Variants in MYRIP observed in about 807,000 individuals in gnomAD.
MYRIP encodes the protein rab effector MyRIP.
A neutral mutation model predicts 98.0 loss-of-function variants in MYRIP; 49 were observed. The ratio of observed to expected loss-of-function variants is 0.50; its 90% CI spans 0.40 to 0.63. The LOEUF (loss-of-function observed/expected upper bound fraction) is 0.63. MYRIP is among the 30% of genes least tolerant of loss of function. The pLI is 0.00. For missense variants in MYRIP, 1,004 were observed against 1,058.2 expected (o/e 0.95, Z 0.71); for synonymous variants, 404 against 409.5 (o/e 0.99, Z 0.16).
At chr3:40,136,248 A>G (rs1421279668) in intron 3 of MYRIP, among the ~76,000 whole-genome samples, 1 of 152,244 alleles carries the variant, frequency 6.6e-6, no homozygotes, top group Non-Finnish European at 1.5e-5. Context: ...TCTCTGATAA[A>G]ACAGACTTTA....
At chr3:40,029,670 G>C (rs1031220571) in intron 2 of MYRIP, among the ~76,000 whole-genome samples, 2 of 152,086 alleles carry the variant, frequency 1.3e-5, no homozygotes, top group African/African-American at 4.8e-5. Context: ...ATAAGAAAGG[G>C]AAAATATTTG....
At chr3:40,026,883 C>A (rs1311031054) in intron 2 of MYRIP, among the ~76,000 whole-genome samples, 1 of 152,150 alleles carries the variant, frequency 6.6e-6, no homozygotes, top group Non-Finnish European at 1.5e-5. Context: ...CCTCTTCAGC[C>A]TTTTTCCCTG....
At position 39,884,214 on chromosome 3, in the gene MYRIP, C is replaced by A. The variant is rs79205206; in HGVS notation, c.-30-16573C>A. Among the ~76,000 whole-genome samples the A allele has an allele frequency of 5.6e-3, 849 of 152,178 alleles. 9 individuals are homozygous for A. Among genetic ancestry groups the A allele is most frequent in the African/African-American group, 0.019 (799 of 41,544 alleles). ...ACAGCATCTACTTAGAATTTCAGAA[C>A]AAGCAAAACCACCCTTAAGAAATGA... is the stretch of plus-strand genomic sequence containing the variant. On this transcript the variant is annotated intron_variant, in intron 1 of 16. Transcript: ENST00000302541.
At chr3:40,153,552 T>C (rs7644914) in intron 4 of MYRIP, among the ~76,000 whole-genome samples, 1 of 152,084 alleles carries the variant, frequency 6.6e-6, no homozygotes, top group South Asian at 2.1e-4. Context: ...CATTAATTAC[T>C]GCTGAATTTT....
chr3:39,995,504 CA>C (rs1233956927), intron 2 of MYRIP, among the ~76,000 whole-genome samples: 1 of 151,672 alleles, frequency 6.6e-6, no homozygotes, highest in African/African-American at 2.4e-5. Context: ...ATAAAAGAAA[CA>C]AACAGAGCCT....
At chr3:39,862,592 C>G (rs939995269) in intron 1 of MYRIP, among the ~76,000 whole-genome samples, 1 of 152,142 alleles carries the variant, frequency 6.6e-6, no homozygotes, top group African/African-American at 2.4e-5. Flanking sequence ...ACAAGAAGAC[C>G]TAACTATCCT....
At chr3:39,910,011 C>A (rs1943981241) in intron 2 of MYRIP, among the ~76,000 whole-genome samples, 1 of 152,054 alleles carries the variant, frequency 6.6e-6, no homozygotes, top group Non-Finnish European at 1.5e-5. Context: ...CTGCCTTAGC[C>A]TCCTGAGTAA....
intron 1 of MYRIP, among the ~76,000 whole-genome samples, chr3:39,839,346 C>T (rs150928426): frequency 0.013 from 1,926 of 152,132 alleles, 43 homozygotes; most frequent in African/African-American, 0.043. Flanking sequence ...CAACCTCCGC[C>T]TCCCAGGTTC....
At chr3:40,026,101 C>T (rs187411197) in intron 2 of MYRIP, among the ~76,000 whole-genome samples, 165 of 152,178 alleles carry the variant, frequency 1.1e-3, no homozygotes, top group African/African-American at 3.3e-3. Context: ...TTATCTCAGC[C>T]GCATAAGATA....
chr3:39,929,400 G>A (rs889818545), intron 2 of MYRIP, among the ~76,000 whole-genome samples: 2 of 151,918 alleles, frequency 1.3e-5, no homozygotes, highest in African/African-American at 4.8e-5. Context: ...AATTTATAGC[G>A]AGAAATAAAG....
chr3:39,910,091 A>G lies in MYRIP; in HGVS notation c.110+9165A>G, dbSNP rs539762806. Among the ~76,000 whole-genome samples, 85 of 152,158 alleles carry G rather than the reference A, an allele frequency of 5.6e-4. No homozygotes were observed. The Middle Eastern group carries it at 0.014, about 24-fold the overall frequency. On this transcript the variant is annotated intron_variant, in intron 2 of 16. Coordinates refer to ENST00000302541, the MANE Select transcript of MYRIP (RefSeq NM_015460.4). ...TTTTTAGGAGAGATGGGATTTCATC[A>G]TGTTGGTCAGGCTGGTCTTGAACTC...
chr3:40,202,436 G>A (rs1460172652), intron 10 of MYRIP, among the ~76,000 whole-genome samples: 1 of 152,182 alleles, frequency 6.6e-6, no homozygotes, highest in Non-Finnish European at 1.5e-5. Context: ...AATGTGCGCA[G>A]ATCACTGGGG....
chr3:39,971,613 A>G (rs896620427), intron 2 of MYRIP, among the ~76,000 whole-genome samples: 1 of 152,040 alleles, frequency 6.6e-6, no homozygotes, highest in Non-Finnish European at 1.5e-5. Context: ...AACACTAGCA[A>G]TAGCACACTG....
At chr3:40,134,332 C>T (rs952599577) in intron 3 of MYRIP, among the ~76,000 whole-genome samples, 19 of 152,280 alleles carry the variant, frequency 1.2e-4, no homozygotes, top group African/African-American at 4.3e-4. Context: ...AGCGAGGCTG[C>T]GGGAGGGGCG....
Position 40,253,418 on chromosome 3 carries a change from C to T in MYRIP, c.2547+1419C>T, listed in dbSNP as rs142862891. ...TTTTAATCAGTGAAATTGACCTATTCGTGAAGAGGCGGATATAAACAAATA... is the reference window on the plus strand; with the variant it reads ...TTTTAATCAGTGAAATTGACCTATTTGTGAAGAGGCGGATATAAACAAATA... On this transcript the variant is annotated intron_variant, in intron 16 of 16. Transcript: ENST00000302541. 2.2e-4 allele frequency among the ~76,000 whole-genome samples: 33 copies of T among 152,222 alleles called. No homozygotes were observed. The East Asian group carries it at 6.0e-3, about 28-fold the overall frequency.
At chr3:39,961,069 G>A (rs1575416592) in intron 2 of MYRIP, among the ~76,000 whole-genome samples, 1 of 152,092 alleles carries the variant, frequency 6.6e-6, no homozygotes, top group East Asian at 1.9e-4. Context: ...CCTAACTACT[G>A]TTTGAATCCA....
At chr3:40,189,764 C>T (rs1006274489) in intron 9 of MYRIP, 62 bp from the exon 10 acceptor site, 11 of 1,500,954 alleles carry the variant, frequency 7.3e-6, no homozygotes, top group South Asian at 1.3e-5. Context: ...CAAGTGGCAA[C>T]TTCATCTTGC....
At chr3:39,908,634 G>A (rs1943941378) in intron 2 of MYRIP, among the ~76,000 whole-genome samples, 1 of 152,154 alleles carries the variant, frequency 6.6e-6, no homozygotes. Flanking sequence ...AAATGAGTTA[G>A]TGATCTTTCT....
At chr3:40,208,043 C>T (rs1951830855) in intron 10 of MYRIP, among the ~76,000 whole-genome samples, 1 of 152,102 alleles carries the variant, frequency 6.6e-6, no homozygotes, top group Admixed American at 6.6e-5. Flanking sequence ...TCCTTCTAGG[C>T]AATTTCATTA....
Sources: allele counts gnomAD v4.1 joint callset (sites outside exome capture counted in the v4.1 genomes callset), GRCh38; gene constraint gnomAD v4.1.1; transcripts MANE v1.5; gene names NCBI Gene and HGNC (gene_info 2026-07-23, HGNC 2026-07-21).